SBF2: variants seen among roughly 807,000 people sequenced by gnomAD.
SBF2 encodes the protein myotubularin-related protein 13.
A neutral mutation model predicts 225.2 loss-of-function variants in SBF2; 112 were observed. That is an observed-to-expected ratio of 0.50 (90% CI 0.43 to 0.58). The LOEUF (loss-of-function observed/expected upper bound fraction) is 0.58. SBF2 is among the 20% of genes least tolerant of loss of function. SBF2 has a pLI of 0.00. For missense variants in SBF2, 1,996 were observed against 2,206.2 expected (o/e 0.90, Z 1.91); for synonymous variants, 763 against 773.3 (o/e 0.99, Z 0.22).
At chr11:10,186,723 A>G (rs1316841811) in intron 2 of SBF2, among the ~76,000 whole-genome samples, 1 of 152,180 alleles carries the variant, frequency 6.6e-6, no homozygotes, top group Non-Finnish European at 1.5e-5. Flanking sequence ...CACTAAATGC[A>G]TAATTGCTTC....
intron 12 of SBF2, among the ~76,000 whole-genome samples, chr11:9,990,255 C>T (rs72857147): frequency 0.058 from 8,839 of 152,196 alleles, 322 homozygotes; most frequent in Middle Eastern, 0.18. Flanking sequence ...AACTAATAGA[C>T]TCACTGCATA....
chr11:10,210,008 AGAAG>A (rs756701381), intron 1 of SBF2, among the ~76,000 whole-genome samples: 50 of 152,112 alleles, frequency 3.3e-4, no homozygotes, highest in Non-Finnish European at 5.6e-4. Context: ...GTAGAAATCA[AGAAG>A]GAAGGAAGGA....
intron 2 of SBF2, among the ~76,000 whole-genome samples, chr11:10,174,487 C>G (rs1316809741): frequency 6.6e-6 from 1 of 151,988 alleles, no homozygotes; most frequent in African/African-American, 2.4e-5. Flanking sequence ...AATGAGCAAA[C>G]CCTCCAAGAA....
intron 16 of SBF2, among the ~76,000 whole-genome samples, chr11:9,910,786 C>T (rs770400683): frequency 1.9e-4 from 28 of 149,288 alleles, no homozygotes; most frequent in African/African-American, 4.9e-4. Context: ...CGGTGGCTCA[C>T]ACCTGTAATC....
At chr11:10,035,803 T>C (rs1367193744) in intron 3 of SBF2, among the ~76,000 whole-genome samples, 1 of 152,214 alleles carries the variant, frequency 6.6e-6, no homozygotes, top group African/African-American at 2.4e-5. Context: ...GGAATGCTTT[T>C]ACACTGTTGG....
In SBF2 at chr11:9,962,092, T is replaced by G. The variant is rs144514407; in HGVS notation, c.1725A>C (p.Ala575=). The G allele has an allele frequency of 2.8e-5, 45 of 1,613,958 alleles. No homozygotes were observed. Among genetic ancestry groups the G allele is most frequent in the Middle Eastern group, 3.3e-4 (2 of 6,084 alleles). The change falls in exon 16 of 40, where the codon GCA becomes GCC. Residue 575 remains alanine (A), a synonymous_variant. Coordinates refer to ENST00000256190, the MANE Select transcript of SBF2 (RefSeq NM_030962.4). ...ILETEKTLPA[A]LRALKGKAAR... is the part of the protein sequence containing the mutation. Reference sequence around the variant, plus strand: ...CTGCCTTTCCTTTAAGGGCTCTGAGTGCAGCAGGAAGGGTCTGAGGACAAG... The same window carrying G: ...CTGCCTTTCCTTTAAGGGCTCTGAGGGCAGCAGGAAGGGTCTGAGGACAAG...
chr11:9,931,457 C>T lies in SBF2; in HGVS notation c.1860+30500G>A, dbSNP rs1864493448. Among the ~76,000 whole-genome samples, 3 of 152,354 alleles carry T rather than the reference C, an allele frequency of 2.0e-5. No homozygotes were observed. The South Asian group carries it at 6.2e-4, about 32-fold the overall frequency. On this transcript the variant is annotated intron_variant, in intron 16 of 39. Coordinates refer to ENST00000256190, the MANE Select transcript of SBF2 (RefSeq NM_030962.4). ...CTGTTCTGCAATATTTGCTGTTCTG[C>T]AGCCTCCACTGGTGATACTCAGGCA...
At chr11:10,232,322 A>G (rs558923778) in intron 1 of SBF2, among the ~76,000 whole-genome samples, 2 of 152,236 alleles carry the variant, frequency 1.3e-5, no homozygotes, top group Admixed American at 6.5e-5. Flanking sequence ...TCCTGCACCC[A>G]CTGTCCGGCA....
rs145087712 is a variant in SBF2, at chr11:9,968,757, T to C, written c.1396-212A>G. ...GCTTGGCATCTGTCTTCCTCTTCCA[T>C]GAACACTTTCTTTACTTGGTTTCTA... On this transcript the variant is annotated intron_variant, in intron 13 of 39. Transcript: ENST00000256190. 4.7e-4 allele frequency among the ~76,000 whole-genome samples: 72 copies of C among 152,334 alleles called. No homozygotes were observed. The Middle Eastern group carries it at 0.01, about 22-fold the overall frequency.
intron 2 of SBF2, among the ~76,000 whole-genome samples, chr11:10,144,374 G>A (rs1038060970): frequency 2.6e-5 from 4 of 152,062 alleles, no homozygotes; most frequent in Non-Finnish European, 4.4e-5. Flanking sequence ...TGTAGTCCCC[G>A]CTACCTGGGA....
At chr11:9,974,651 C>T (rs1189252067) in intron 13 of SBF2, among the ~76,000 whole-genome samples, 6 of 144,618 alleles carry the variant, frequency 4.1e-5, no homozygotes, top group Non-Finnish European at 6.0e-5. Context: ...CCCCCAACAC[C>T]GCCCAAAAAA....
chr11:10,168,696 G>C (rs72861720), intron 2 of SBF2, among the ~76,000 whole-genome samples: 1 of 152,166 alleles, frequency 6.6e-6, no homozygotes, highest in Non-Finnish European at 1.5e-5. Flanking sequence ...TTATGAGCAG[G>C]TGGCTTTCCT....
At chr11:10,039,149 C>T (rs757278605) in intron 3 of SBF2, among the ~76,000 whole-genome samples, 3 of 151,712 alleles carry the variant, frequency 2.0e-5, no homozygotes, top group Non-Finnish European at 3.0e-5. Context: ...CCTAAGTTCC[C>T]CCTCTTTAGG....
chr11:9,781,353 T>TG (rs1424756339), intron 39 of SBF2, among the ~76,000 whole-genome samples, 154 bp downstream of exon 39: 2 of 152,224 alleles, frequency 1.3e-5, no homozygotes, highest in Non-Finnish European at 2.9e-5. Flanking sequence ...GGGTCAATAA[T>TG]GCTGAGTTCA....
chr11:9,893,559 T>C (rs1396399198), intron 17 of SBF2, among the ~76,000 whole-genome samples: 3 of 152,222 alleles, frequency 2.0e-5, no homozygotes, highest in African/African-American at 7.2e-5. Context: ...AATGGTGGTG[T>C]GTGGGACCAC....
intron 1 of SBF2, among the ~76,000 whole-genome samples, chr11:10,254,629 G>A (rs539828852): frequency 6.6e-6 from 1 of 151,424 alleles, no homozygotes; most frequent in African/African-American, 2.4e-5. Context: ...AAAGAGGATG[G>A]GCACCGAGGC....
chr11:10,082,065 C>G (rs551223984), intron 2 of SBF2, among the ~76,000 whole-genome samples: 8 of 152,188 alleles, frequency 5.3e-5, no homozygotes, highest in South Asian at 4.1e-4. Flanking sequence ...ACTGATACCA[C>G]AGAAATGCAA....
At position 10,171,990 on chromosome 11, in the gene SBF2, G is replaced by A. The variant is rs192570899; in HGVS notation, c.141+21912C>T. 1.1e-4 allele frequency among the ~76,000 whole-genome samples: 16 copies of A among 152,112 alleles called. 1 individual carries two copies. In the East Asian group the frequency reaches 2.3e-3, roughly 22 times the overall value. On this transcript the variant is annotated intron_variant, in intron 2 of 39. Coordinates refer to ENST00000256190, the MANE Select transcript of SBF2 (RefSeq NM_030962.4). ...GAATATCTGCAGTATCAGTTGTAAC[G>A]TCTTCTTTTTAATCTCTGGTTTTAT...
intron 1 of SBF2, among the ~76,000 whole-genome samples, chr11:10,216,751 T>C (rs1765009326): frequency 6.6e-6 from 1 of 152,086 alleles, no homozygotes; most frequent in South Asian, 2.1e-4. Flanking sequence ...GCCCCTGTAA[T>C]CCCAGCTACT....
Sources: allele counts gnomAD v4.1 joint callset (sites outside exome capture counted in the v4.1 genomes callset), GRCh38; gene constraint gnomAD v4.1.1; transcripts MANE v1.5; gene names NCBI Gene and HGNC (gene_info 2026-07-23, HGNC 2026-07-21).